MED13L: variants seen among roughly 807,000 people sequenced by gnomAD.
MED13L encodes the protein mediator of RNA polymerase II transcription subunit 13-like.
MED13L carries 7 observed loss-of-function variants against 220.9 expected under a neutral mutation model. The ratio of observed to expected loss-of-function variants is 0.03; its 90% CI spans 0.02 to 0.06. The LOEUF (loss-of-function observed/expected upper bound fraction) is 0.06. MED13L is among the 10% of genes least tolerant of loss of function. The pLI is 1.00. For synonymous variants in MED13L, 1,011 were observed against 1,015.2 expected (o/e 1.00, Z 0.08); for missense variants, 1,965 against 2,760.5 (o/e 0.71, Z 6.46).
intron 2 of MED13L, among the ~76,000 whole-genome samples, chr12:116,157,041 C>T (rs1444074269): frequency 6.6e-6 from 1 of 152,150 alleles, no homozygotes; most frequent in East Asian, 1.9e-4. Context: ...GTATCCACTG[C>T]TGTTATTTTA....
At chr12:116,169,735 G>A (rs959628924) in intron 2 of MED13L, among the ~76,000 whole-genome samples, 3 of 152,196 alleles carry the variant, frequency 2.0e-5, no homozygotes, top group Non-Finnish European at 4.4e-5. Context: ...CAAGCCAGGT[G>A]TGTTGGCCAG....
At chr12:116,031,692 AAAGAAAAGAAAAGAAAAGAAAAG>A (rs1592966594) in intron 4 of MED13L, among the ~76,000 whole-genome samples, 2 of 34,096 alleles carry the variant, frequency 5.9e-5, no homozygotes, top group East Asian at 1.3e-3. Flanking sequence ...AAAGAAAAGA[AAAGAAAAGAAAAGAAAAGAAAAG>A]AAAAGAAAAG....
At chr12:115,963,366 G>T in intron 30 of MED13L, 41 bp downstream of exon 30, 1 of 1,438,490 alleles carries the variant, frequency 7.0e-7, no homozygotes, top group Non-Finnish European at 9.8e-7. Flanking sequence ...AAGGAATATT[G>T]TTTCAAATTG....
chr12:115,992,168 A>C (rs1878107847), intron 16 of MED13L, among the ~76,000 whole-genome samples: 1 of 152,170 alleles, frequency 6.6e-6, no homozygotes, highest in Non-Finnish European at 1.5e-5. Flanking sequence ...TAAGGTATGA[A>C]GAATAATTCA....
chr12:116,005,035 T>G (rs2137367453), intron 13 of MED13L, among the ~76,000 whole-genome samples: 1 of 152,272 alleles, frequency 6.6e-6, no homozygotes, highest in South Asian at 2.1e-4. Flanking sequence ...GGGTGGTAAT[T>G]TAATCATATT....
intron 17 of MED13L, among the ~76,000 whole-genome samples, chr12:115,988,918 T>A (rs1202532084): frequency 1.3e-5 from 2 of 152,214 alleles, no homozygotes; most frequent in Non-Finnish European, 2.9e-5. Context: ...CTTCACTTCA[T>A]AAATTCATTC....
At chr12:116,172,927 CAA>C (rs560335454) in intron 2 of MED13L, among the ~76,000 whole-genome samples, 16 of 59,994 alleles carry the variant, frequency 2.7e-4, no homozygotes, top group Admixed American at 3.3e-4. Flanking sequence ...CCATTTAAGA[CAA>C]AAAAAAAAAA....
chr12:116,046,813 A>T (rs1469250522), intron 4 of MED13L, among the ~76,000 whole-genome samples: 1 of 152,136 alleles, frequency 6.6e-6, no homozygotes, highest in Non-Finnish European at 1.5e-5. Flanking sequence ...CTCTACTAAA[A>T]ATACAAAAAA....
rs1348795757 is a variant in MED13L at position 116,001,322 on chromosome 12, G to A, written c.2569+1681C>T. On this transcript the variant is annotated intron_variant, in intron 14 of 30. Transcript: ENST00000281928. Reference sequence around the variant, plus strand: ...AGTGATTCTCCTGCCTCAGCCTCCCGAGTAGCTGGGATTAGAGGTGCACAC... The same window carrying A: ...AGTGATTCTCCTGCCTCAGCCTCCCAAGTAGCTGGGATTAGAGGTGCACAC... Among the ~76,000 whole-genome samples, 8 of 152,140 alleles carry A rather than the reference G, an allele frequency of 5.3e-5. No homozygotes were observed. The East Asian group carries it at 1.6e-3, about 30-fold the overall frequency.
At chr12:116,068,552 T>C (rs1024838636) in intron 4 of MED13L, among the ~76,000 whole-genome samples, 1 of 152,176 alleles carries the variant, frequency 6.6e-6, no homozygotes, top group Non-Finnish European at 1.5e-5. Flanking sequence ...GGAAACAGGA[T>C]GGTAGAATAA....
At chr12:115,966,404 C>T (rs763702352) in intron 28 of MED13L, among the ~76,000 whole-genome samples, 161 bp from the exon 29 acceptor site, 6 of 152,302 alleles carry the variant, frequency 3.9e-5, no homozygotes, top group East Asian at 1.9e-4. Context: ...GGGCCAGCAT[C>T]GTCTTTGCTG....
At position 116,265,442 on chromosome 12, in the gene MED13L, A is replaced by G. The variant is rs1163919757; in HGVS notation, c.72+11618T>C. Among the ~76,000 whole-genome samples the G allele has an allele frequency of 3.9e-5, 6 of 152,342 alleles. No individual in the cohort carries two copies. In the East Asian group the frequency reaches 9.6e-4, roughly 24 times the overall value. Reference sequence around the variant, plus strand: ...GGCTTTTAAACACATTATTAAATGTAATACCATTTAACACACTTGTTTTTC... The same window carrying G: ...GGCTTTTAAACACATTATTAAATGTGATACCATTTAACACACTTGTTTTTC... On this transcript the variant is annotated intron_variant, in intron 1 of 30. Coordinates refer to ENST00000281928, the MANE Select transcript of MED13L (RefSeq NM_015335.5).
chr12:116,110,593 T>C (rs1873997406), intron 3 of MED13L, among the ~76,000 whole-genome samples: 1 of 152,182 alleles, frequency 6.6e-6, no homozygotes. Flanking sequence ...TCATTGTATC[T>C]GGCCACAAAT....
rs181177747 is a variant in MED13L at position 115,978,828 on chromosome 12, C to T, written c.5364+1922G>A. On this transcript the variant is annotated intron_variant, in intron 23 of 30. Coordinates refer to ENST00000281928, the MANE Select transcript of MED13L (RefSeq NM_015335.5). ...GATTCCCAAACTGTGTTCTGAGATG[C>T]GAGATATTCCATGAAAAACAAAAGA... Among the ~76,000 whole-genome samples, 27 of 152,140 alleles carry T rather than the reference C, an allele frequency of 1.8e-4. 1 individual carries two copies. The highest frequency in any genetic ancestry group is 1.5e-3 in the Admixed American group (23 of 15,296).
intron 1 of MED13L, among the ~76,000 whole-genome samples, chr12:116,273,393 A>G (rs1873551191): frequency 6.6e-6 from 1 of 152,202 alleles, no homozygotes; most frequent in African/African-American, 2.4e-5. Context: ...GAACTGGTAC[A>G]AAAAAATACC....
At chr12:116,236,665 T>G (rs1468223397) in intron 2 of MED13L, among the ~76,000 whole-genome samples, 1 of 152,182 alleles carries the variant, frequency 6.6e-6, no homozygotes, top group African/African-American at 2.4e-5. Flanking sequence ...AGATTAGAAT[T>G]AGTCTTGCTT....
intron 1 of MED13L, among the ~76,000 whole-genome samples, chr12:116,269,135 C>T (rs551435849): frequency 6.6e-6 from 1 of 152,016 alleles, no homozygotes; most frequent in Non-Finnish European, 1.5e-5. Flanking sequence ...CTCGGCTCAC[C>T]GCAACCTCCA....
chr12:116,013,993 G>A (rs1879576571), intron 8 of MED13L, among the ~76,000 whole-genome samples: 1 of 152,156 alleles, frequency 6.6e-6, no homozygotes, highest in Non-Finnish European at 1.5e-5. Context: ...AAATAATCTA[G>A]GCATTGCAGA....
chr12:116,168,641 T>C (rs1316652601), intron 2 of MED13L, among the ~76,000 whole-genome samples: 1 of 152,300 alleles, frequency 6.6e-6, no homozygotes, highest in Admixed American at 6.5e-5. Context: ...TTAACAAGCA[T>C]TGTGGATACA....
Sources: gnomAD v4.1 joint callset for allele counts (sites outside exome capture counted in the v4.1 genomes callset) on GRCh38, gnomAD v4.1.1 for gene constraint, MANE v1.5 for transcripts, NCBI Gene and HGNC (gene_info 2026-07-23, HGNC 2026-07-21) for gene names.